The following STK32B variants were observed in gnomAD, a reference collection of about 807,000 sequenced individuals.
STK32B encodes the protein serine/threonine kinase 32B, also known as serine/threonine-protein kinase 32B.
Under a neutral mutation model 52.6 loss-of-function variants are expected in STK32B, and 43 were observed. The observed-to-expected ratio is 0.82, with a 90% confidence interval of 0.64 to 1.05. The LOEUF is 1.05. STK32B is among the 50% of genes least tolerant of loss of function. The pLI is 0.00. For missense variants in STK32B, 621 were observed against 534.6 expected (o/e 1.16, Z -1.59); for synonymous variants, 238 against 204.3 (o/e 1.17, Z -1.41).
At chr4:5,250,366 G>A (rs998600242) in intron 3 of STK32B, among the ~76,000 whole-genome samples, 6 of 146,112 alleles carry the variant, frequency 4.1e-5, no homozygotes, top group Non-Finnish European at 5.9e-5. Flanking sequence ...AGGCTGGAGT[G>A]CACTGATGTG....
chr4:5,214,714 G>T (rs1249674147), intron 3 of STK32B, among the ~76,000 whole-genome samples: 1 of 152,054 alleles, frequency 6.6e-6, no homozygotes, highest in Non-Finnish European at 1.5e-5. Context: ...CAATTTCTTT[G>T]GCATTTCCTT....
chr4:5,491,945 T>C (rs1206894276), intron 11 of STK32B, among the ~76,000 whole-genome samples: 2 of 152,230 alleles, frequency 1.3e-5, no homozygotes, highest in South Asian at 2.1e-4. Flanking sequence ...TATATCTCTC[T>C]TTTGGTACCA....
chr4:5,144,811 TCC>T (rs1716780564), intron 2 of STK32B, among the ~76,000 whole-genome samples: 1 of 152,066 alleles, frequency 6.6e-6, no homozygotes, highest in African/African-American at 2.4e-5. Context: ...CATCCATCCA[TCC>T]ATCCATCCAT....
At chr4:5,184,101 C>G (rs377256426) in intron 3 of STK32B, among the ~76,000 whole-genome samples, 3 of 152,152 alleles carry the variant, frequency 2.0e-5, no homozygotes, top group Non-Finnish European at 2.9e-5. Flanking sequence ...GCTAACTGCT[C>G]GGCAAAAGAA....
chr4:5,488,919 CTT>C (rs1277281105), intron 11 of STK32B, among the ~76,000 whole-genome samples: 10 of 151,926 alleles, frequency 6.6e-5, no homozygotes, highest in Non-Finnish European at 1.5e-4. Flanking sequence ...TTATGTCTGT[CTT>C]ATAATTCTTA....
chr4:5,131,713 T>A (rs552398955), intron 1 of STK32B, among the ~76,000 whole-genome samples: 15 of 152,214 alleles, frequency 9.9e-5, no homozygotes, highest in Non-Finnish European at 1.5e-4. Context: ...CCTCCTCATA[T>A]CAGCATGGCA....
At chr4:5,243,146 T>A (rs1281256836) in intron 3 of STK32B, among the ~76,000 whole-genome samples, 1 of 152,194 alleles carries the variant, frequency 6.6e-6, no homozygotes, top group Non-Finnish European at 1.5e-5. Flanking sequence ...GGGATGGCAT[T>A]GAATCTATAA....
At chr4:5,450,486 T>C (rs1167147347) in intron 7 of STK32B, among the ~76,000 whole-genome samples, 1 of 152,186 alleles carries the variant, frequency 6.6e-6, no homozygotes, top group Non-Finnish European at 1.5e-5. Flanking sequence ...TCTTTTTCAC[T>C]CTTGAACAGC....
At chr4:5,133,127 C>T (rs1715881117) in intron 1 of STK32B, among the ~76,000 whole-genome samples, 1 of 152,196 alleles carries the variant, frequency 6.6e-6, no homozygotes, top group South Asian at 2.1e-4. Context: ...CATTGAATTG[C>T]AGATTTGTCT....
In STK32B at chr4:5,386,046, C is replaced by G. The variant is rs543723768; in HGVS notation, c.435-12161C>G. Among the ~76,000 whole-genome samples, 357 of 148,302 alleles carry G rather than the reference C, an allele frequency of 2.4e-3. 2 individuals carry two copies. Among genetic ancestry groups the G allele is most frequent in the African/African-American group, 8.4e-3 (338 of 40,018 alleles). On this transcript the variant is annotated intron_variant, in intron 4 of 11. Coordinates refer to ENST00000282908, the MANE Select transcript of STK32B (RefSeq NM_018401.3). The surrounding 1 kb of genome is among the most constrained non-coding windows in gnomAD (Gnocchi z 4.5). ...ACAGCCCCTACCCAGAGCCCCCACC[C>G]ACACCCACAGCCCCACCCATAGCCC...
intron 7 of STK32B, among the ~76,000 whole-genome samples, chr4:5,452,136 A>G (rs1239896118): frequency 1.3e-5 from 2 of 152,212 alleles, no homozygotes; most frequent in South Asian, 2.1e-4. Flanking sequence ...TGCCCACTCC[A>G]TGGGGACATG....
chr4:5,488,867 C>T (rs1287542092), intron 11 of STK32B, among the ~76,000 whole-genome samples: 1 of 151,742 alleles, frequency 6.6e-6, no homozygotes, highest in Non-Finnish European at 1.5e-5. Context: ...TAAATAGCCT[C>T]TGAATTAGAC....
intron 11 of STK32B, among the ~76,000 whole-genome samples, chr4:5,485,808 C>G (rs1397921813): frequency 6.6e-6 from 1 of 152,218 alleles, no homozygotes; most frequent in Non-Finnish European, 1.5e-5. Flanking sequence ...TTCTAACAGT[C>G]AGGACCTTCA....
At chr4:5,382,022 C>T (rs1335410357) in intron 4 of STK32B, among the ~76,000 whole-genome samples, 1 of 152,162 alleles carries the variant, frequency 6.6e-6, no homozygotes, top group African/African-American at 2.4e-5. Context: ...ATCCAAAGGC[C>T]ATCTGCTGGC....
intron 3 of STK32B, among the ~76,000 whole-genome samples, chr4:5,184,695 A>AAAGAAGAAG (rs746946013): frequency 1.3e-4 from 18 of 137,586 alleles, no homozygotes; most frequent in African/African-American, 4.3e-4. Context: ...AAAAAAAAAA[A>AAAGAAGAAG]AAGAAGAAGA....
chr4:5,173,741 G>A (rs1577140693), intron 3 of STK32B, among the ~76,000 whole-genome samples: 2 of 151,924 alleles, frequency 1.3e-5, no homozygotes, highest in Admixed American at 6.6e-5. Context: ...GTCAATTTTG[G>A]AATAGGTGTG....
intron 1 of STK32B, among the ~76,000 whole-genome samples, chr4:5,130,956 T>C (rs888521271): frequency 2.6e-5 from 4 of 152,136 alleles, no homozygotes; most frequent in African/African-American, 9.7e-5. Flanking sequence ...TTCAAAACTT[T>C]CCCTGATGGT....
the STK32B span, among the ~76,000 whole-genome samples, chr4:5,022,275 G>A: frequency 6.6e-6 from 1 of 152,162 alleles, no homozygotes; most frequent in Non-Finnish European, 1.5e-5. Context: ...CAGGTAGAGC[G>A]GATGACCAGT....
chr4:5,414,428 TA>T (rs995101697), intron 5 of STK32B, among the ~76,000 whole-genome samples: 1 of 152,078 alleles, frequency 6.6e-6, no homozygotes, highest in Non-Finnish European at 1.5e-5. Flanking sequence ...TAAATAAAAC[TA>T]AAAAAGAATG....
Sources: allele counts gnomAD v4.1 joint callset (sites outside exome capture counted in the v4.1 genomes callset), GRCh38; gene constraint gnomAD v4.1.1; non-coding constraint Gnocchi (gnomAD v3.1); transcripts MANE v1.5; gene names NCBI Gene and HGNC (gene_info 2026-07-23, HGNC 2026-07-21).